Variants in REDIC1 observed in about 807,000 individuals in gnomAD.
REDIC1 encodes regulator of DNA class I crossover intermediates 1.
At chr12:39,704,154 A>C in the REDIC1 span, among the ~76,000 whole-genome samples, 3 of 151,428 alleles carry the variant, frequency 2.0e-5, no homozygotes, top group African/African-American at 7.2e-5. Context: ...AAATGGGAGA[A>C]AATTTTCGCA....
chr12:39,834,761 T>C, the REDIC1 span, among the ~76,000 whole-genome samples: 1 of 152,100 alleles, frequency 6.6e-6, no homozygotes, highest in Admixed American at 6.6e-5. Flanking sequence ...TCTTTCATCC[T>C]TGACCTGGAA....
At chr12:39,714,027 A>T in the REDIC1 span, among the ~76,000 whole-genome samples, 1,495 of 56,724 alleles carry the variant, frequency 0.026, 47 homozygotes, top group African/African-American at 0.066. Flanking sequence ...TTATATAAGT[A>T]TATATACATG....
the REDIC1 span, among the ~76,000 whole-genome samples, chr12:39,640,068 T>C: frequency 6.6e-6 from 1 of 151,766 alleles, no homozygotes; most frequent in Non-Finnish European, 1.5e-5. Context: ...GTTTTTTTTT[T>C]TTTTTTAAAG....
At chr12:39,706,160 A>G in the REDIC1 span, among the ~76,000 whole-genome samples, 6 of 152,092 alleles carry the variant, frequency 3.9e-5, no homozygotes, top group African/African-American at 1.4e-4. Context: ...TAGCATTTTT[A>G]TATGCCAACA....
the REDIC1 span, among the ~76,000 whole-genome samples, chr12:39,783,800 T>C: frequency 6.6e-6 from 1 of 152,324 alleles, no homozygotes; most frequent in Non-Finnish European, 1.5e-5. Flanking sequence ...TGTTTGCAGA[T>C]GACATGACTG....
chr12:39,652,369 C>A, the REDIC1 span, among the ~76,000 whole-genome samples: 1 of 152,236 alleles, frequency 6.6e-6, no homozygotes, highest in East Asian at 1.9e-4. Flanking sequence ...AATGTATGAA[C>A]ATTGCAGCGC....
chr12:39,713,269 T>G, the REDIC1 span, among the ~76,000 whole-genome samples: 33 of 40,758 alleles, frequency 8.1e-4, no homozygotes, highest in African/African-American at 3.7e-3. Flanking sequence ...TGTATATATG[T>G]GTACACACAC....
chr12:39,733,685 G>C, the REDIC1 span, among the ~76,000 whole-genome samples: 1 of 152,198 alleles, frequency 6.6e-6, no homozygotes, highest in African/African-American at 2.4e-5. Flanking sequence ...AAACTTTCCT[G>C]TGGCTTTGTT....
At chr12:39,681,845 TG>T in the REDIC1 span, among the ~76,000 whole-genome samples, 10 of 152,216 alleles carry the variant, frequency 6.6e-5, no homozygotes, top group South Asian at 2.1e-4. Context: ...TAGCAATCTG[TG>T]GTTTTTTTTC....
chr12:39,690,537 AAT>A, the REDIC1 span, among the ~76,000 whole-genome samples: 2 of 152,214 alleles, frequency 1.3e-5, no homozygotes, highest in East Asian at 3.9e-4. Context: ...TAACATATTG[AAT>A]ATGATAGCAA....
the REDIC1 span, among the ~76,000 whole-genome samples, chr12:39,898,516 T>C: frequency 2.0e-5 from 3 of 152,150 alleles, no homozygotes; most frequent in African/African-American, 4.8e-5. Context: ...CCCTCTATCA[T>C]TGAACAGATT....
chr12:39,640,549 A>G, the REDIC1 span, among the ~76,000 whole-genome samples: 45 of 152,084 alleles, frequency 3.0e-4, no homozygotes, highest in African/African-American at 9.1e-4. Flanking sequence ...ATAGATTTCA[A>G]CTTCCTCTCT....
At chr12:39,751,243 A>G in the REDIC1 span, among the ~76,000 whole-genome samples, 1 of 151,862 alleles carries the variant, frequency 6.6e-6, no homozygotes, top group Admixed American at 6.6e-5. Context: ...CAAAAAGGAT[A>G]TGAACAGACA....
chr12:39,771,061 C>A, the REDIC1 span, among the ~76,000 whole-genome samples: 1 of 152,104 alleles, frequency 6.6e-6, no homozygotes, highest in Non-Finnish European at 1.5e-5. Flanking sequence ...ATGATATAGG[C>A]AAGAAACCAT....
chr12:39,700,104 GC>G, the REDIC1 span, among the ~76,000 whole-genome samples: 2 of 152,202 alleles, frequency 1.3e-5, no homozygotes, highest in Non-Finnish European at 2.9e-5. Context: ...ACTTTGACGA[GC>G]TGAGAGAAGA....
the REDIC1 span, among the ~76,000 whole-genome samples, chr12:39,856,702 C>T: frequency 4.9e-4 from 74 of 152,246 alleles, no homozygotes; most frequent in Middle Eastern, 3.4e-3. Flanking sequence ...ACATTTGGTC[C>T]ATAGCAATAG....
the REDIC1 span, among the ~76,000 whole-genome samples, chr12:39,713,268 GTGTACACACACATA>G: frequency 2.4e-5 from 1 of 42,354 alleles, no homozygotes; most frequent in South Asian, 4.6e-4. Flanking sequence ...GTGTATATAT[GTGTACACACACATA>G]CGTGTATATA....
At chr12:39,871,753 T>G in the REDIC1 span, 1 of 1,531,310 alleles carries the variant, frequency 6.5e-7, no homozygotes, top group Non-Finnish European at 8.8e-7. Flanking sequence ...CTTGAAGTTA[T>G]TAGGAAATAA....
chr12:39,798,373 C>A, the REDIC1 span, among the ~76,000 whole-genome samples: 1 of 152,122 alleles, frequency 6.6e-6, no homozygotes, highest in African/African-American at 2.4e-5. Context: ...TTTAGAGTCA[C>A]TTGTGGCATA....
Sources: gnomAD v4.1 joint callset for allele counts (sites outside exome capture counted in the v4.1 genomes callset) on GRCh38, gnomAD v4.1.1 for gene constraint, MANE v1.5 for transcripts, NCBI Gene and HGNC (gene_info 2026-07-23, HGNC 2026-07-21) for gene names.